The following SPAG16 variants were observed in gnomAD, a reference collection of about 807,000 sequenced individuals.
SPAG16 encodes the protein sperm associated antigen 16.
Under a neutral mutation model 80.4 loss-of-function variants are expected in SPAG16, and 86 were observed. The observed-to-expected ratio is 1.07, with a 90% CI of 0.90 to 1.28. SPAG16 has a LOEUF of 1.28. SPAG16 is among the 50% of genes most tolerant of loss of function. The pLI, the probability that SPAG16 is intolerant of heterozygous loss-of-function variation, is 0.00. For synonymous variants in SPAG16, 294 were observed against 265.9 expected (o/e 1.11, Z -1.03); for missense variants, 870 against 765.3 (o/e 1.14, Z -1.61).
At chr2:213,575,354 G>A (rs1485054995) in intron 10 of SPAG16, among the ~76,000 whole-genome samples, 3 of 151,996 alleles carry the variant, frequency 2.0e-5, no homozygotes, top group Admixed American at 1.3e-4. Flanking sequence ...GCATAATTAT[G>A]TTGATACTTT....
At chr2:214,288,930 G>A (rs1279389648) in intron 15 of SPAG16, among the ~76,000 whole-genome samples, 1 of 151,946 alleles carries the variant, frequency 6.6e-6, no homozygotes, top group Non-Finnish European at 1.5e-5. Context: ...CATCACGCCC[G>A]GCTAATATTT....
chr2:213,405,553 C>T (rs2068567129), intron 9 of SPAG16, among the ~76,000 whole-genome samples: 1 of 152,126 alleles, frequency 6.6e-6, no homozygotes. Flanking sequence ...CCCTATGGTG[C>T]TCTCAAACAC....
At chr2:213,862,335 C>G (rs569480695) in intron 10 of SPAG16, 150 bp from the exon 11 acceptor site, 228 of 891,056 alleles carry the variant, frequency 2.6e-4, no homozygotes, top group Admixed American at 5.5e-4. Flanking sequence ...AGCAGGGATG[C>G]AGAACCTGCT....
chr2:213,529,437 G>A (rs1469861937), intron 10 of SPAG16, among the ~76,000 whole-genome samples: 1 of 152,158 alleles, frequency 6.6e-6, no homozygotes, highest in African/African-American at 2.4e-5. Flanking sequence ...TGAACAATGG[G>A]CTCTCCTTGG....
At chr2:213,422,197 G>C in intron 9 of SPAG16, 1 of 701,290 alleles carries the variant, frequency 1.4e-6, no homozygotes, top group Non-Finnish European at 2.6e-6. Flanking sequence ...GAAGCTCCAC[G>C]AGCCAGTGCT....
chr2:213,559,998 C>A (rs73988545), intron 10 of SPAG16, among the ~76,000 whole-genome samples: 4,132 of 152,090 alleles, frequency 0.027, 83 homozygotes, highest in African/African-American at 0.05. Flanking sequence ...GATAAAAATG[C>A]AACCTGTTCC....
At chr2:214,146,228 T>G (rs1671947810) in intron 14 of SPAG16, among the ~76,000 whole-genome samples, 1 of 152,124 alleles carries the variant, frequency 6.6e-6, no homozygotes, top group Non-Finnish European at 1.5e-5. Flanking sequence ...TTCCCACATC[T>G]CTCCATCTCC....
chr2:213,512,800 GGGAACT>G (rs1230644802), intron 10 of SPAG16, among the ~76,000 whole-genome samples: 2 of 151,944 alleles, frequency 1.3e-5, no homozygotes, highest in Admixed American at 6.6e-5. Flanking sequence ...TGCGTTTATT[GGGAACT>G]GGAAGTTTTG....
intron 9 of SPAG16, among the ~76,000 whole-genome samples, chr2:213,452,194 G>C (rs988221583): frequency 6.6e-6 from 1 of 152,078 alleles, no homozygotes; most frequent in Admixed American, 6.5e-5. Flanking sequence ...TTTGAACTGC[G>C]TGAGGTTAGA....
In SPAG16 at chr2:214,255,791, A is replaced by G. The variant is rs1485462008; in HGVS notation, c.1720+106525A>G. 2.0e-5 allele frequency among the ~76,000 whole-genome samples: 3 copies of G among 152,008 alleles called. No homozygotes were observed. The East Asian group carries it at 5.8e-4, about 29-fold the overall frequency. ...GATTTCTTCATATGTGTTAATGTGT[A>G]TATCAGTTTATCCCTTATTTCTGAG... On this transcript the variant is annotated intron_variant, in intron 15 of 15. Coordinates refer to ENST00000331683, the MANE Select transcript of SPAG16 (RefSeq NM_024532.5).
At chr2:213,928,755 TA>T (rs763665763) in intron 11 of SPAG16, among the ~76,000 whole-genome samples, 9 of 152,154 alleles carry the variant, frequency 5.9e-5, no homozygotes, top group Non-Finnish European at 8.8e-5. Flanking sequence ...TTCTCCATCA[TA>T]AAACAGTCTG....
chr2:214,072,930 C>T (rs2050863047), intron 13 of SPAG16, among the ~76,000 whole-genome samples: 1 of 152,000 alleles, frequency 6.6e-6, no homozygotes, highest in Non-Finnish European at 1.5e-5. Flanking sequence ...AGCTACTCAG[C>T]ATATGTGTGA....
intron 10 of SPAG16, among the ~76,000 whole-genome samples, chr2:213,779,256 A>G (rs1183372898): frequency 6.6e-6 from 1 of 152,122 alleles, no homozygotes; most frequent in African/African-American, 2.4e-5. Context: ...TTTCTTCTAC[A>G]TTAGAATTGA....
At chr2:213,294,513 A>G (rs1046888591) in intron 1 of SPAG16, among the ~76,000 whole-genome samples, 1 of 152,206 alleles carries the variant, frequency 6.6e-6, no homozygotes, top group African/African-American at 2.4e-5. Context: ...CAAGTATGCA[A>G]CTATTTTTTT....
At chr2:213,365,675 C>T (rs1451539885) in intron 8 of SPAG16, among the ~76,000 whole-genome samples, 1 of 151,770 alleles carries the variant, frequency 6.6e-6, no homozygotes, top group Non-Finnish European at 1.5e-5. Flanking sequence ...CCAGGCTGGT[C>T]TTGAACTCCT....
intron 10 of SPAG16, among the ~76,000 whole-genome samples, chr2:213,581,577 C>T (rs867083845): frequency 2.6e-5 from 4 of 152,054 alleles, no homozygotes; most frequent in African/African-American, 2.4e-5. Context: ...AATTGTTGCT[C>T]TCACTCTCAG....
intron 10 of SPAG16, among the ~76,000 whole-genome samples, chr2:213,551,918 C>T (rs200926184): frequency 6.6e-6 from 1 of 152,084 alleles, no homozygotes; most frequent in African/African-American, 2.4e-5. Flanking sequence ...TGACTATGCC[C>T]AGTAGCAATT....
At chr2:213,493,861 T>C (rs944000524) in intron 10 of SPAG16, among the ~76,000 whole-genome samples, 12 of 152,298 alleles carry the variant, frequency 7.9e-5, no homozygotes, top group Middle Eastern at 3.4e-3. Context: ...ATCCTGCTCA[T>C]TGTCTCTAAG....
chr2:214,391,022 A>G (rs549090089), intron 15 of SPAG16, among the ~76,000 whole-genome samples: 2 of 152,298 alleles, frequency 1.3e-5, no homozygotes, highest in African/African-American at 4.8e-5. Flanking sequence ...TGGTTCTTAG[A>G]AGATCTTAAG....
Sources: allele counts gnomAD v4.1 joint callset (sites outside exome capture counted in the v4.1 genomes callset), GRCh38; gene constraint gnomAD v4.1.1; transcripts MANE v1.5; gene names NCBI Gene and HGNC (gene_info 2026-07-23, HGNC 2026-07-21).